GRID2: variants seen among roughly 807,000 people sequenced by gnomAD.
The protein encoded by GRID2 is glutamate receptor ionotropic, delta-2.
A neutral mutation model predicts 114.8 loss-of-function variants in GRID2; 33 were observed. The observed-to-expected ratio is 0.29, with a 90% CI of 0.22 to 0.38. GRID2 has a LOEUF of 0.38. Among genes scored for constraint, GRID2 ranks in the 10% least tolerant of loss-of-function variants. The pLI is 1.00. For synonymous variants in GRID2, 505 were observed against 449.9 expected (o/e 1.12, Z -1.55); for missense variants, 1,184 against 1,257.7 (o/e 0.94, Z 0.89).
intron 1 of GRID2, among the ~76,000 whole-genome samples, chr4:92,328,471 T>C (rs1482442929): frequency 6.6e-6 from 1 of 152,098 alleles, no homozygotes; most frequent in African/African-American, 2.4e-5. Context: ...TATATGTGGT[T>C]ATACTCCTAC....
chr4:92,723,381 A>C (rs765197412), intron 2 of GRID2, among the ~76,000 whole-genome samples: 1 of 152,140 alleles, frequency 6.6e-6, no homozygotes, highest in Non-Finnish European at 1.5e-5. Flanking sequence ...TCCATCTGTC[A>C]AACTGTGTTT....
At chr4:93,499,492 A>G (rs1314305531) in intron 12 of GRID2, among the ~76,000 whole-genome samples, 3 of 151,842 alleles carry the variant, frequency 2.0e-5, no homozygotes, top group Admixed American at 1.3e-4. Flanking sequence ...TCACTTTTTC[A>G]TGCTACAGTC....
chr4:92,735,872 AAACAT>A (rs1340056952), intron 2 of GRID2, among the ~76,000 whole-genome samples: 1 of 152,106 alleles, frequency 6.6e-6, no homozygotes, highest in African/African-American at 2.4e-5. Context: ...GGTCACATGA[AAACAT>A]AACAGTATTT....
At chr4:92,764,781 A>C (rs1034447352) in intron 2 of GRID2, among the ~76,000 whole-genome samples, 1 of 151,318 alleles carries the variant, frequency 6.6e-6, no homozygotes, top group Non-Finnish European at 1.5e-5. Context: ...ATAGCTGTTG[A>C]CTGGAAATAT....
intron 1 of GRID2, among the ~76,000 whole-genome samples, chr4:92,537,457 T>G (rs1725698973): frequency 6.6e-6 from 1 of 152,190 alleles, no homozygotes; most frequent in Non-Finnish European, 1.5e-5. Context: ...GATTTATAAT[T>G]ACCAATCTTC....
intron 3 of GRID2, among the ~76,000 whole-genome samples, chr4:93,101,561 A>C (rs1291523938): frequency 6.6e-6 from 1 of 152,082 alleles, no homozygotes; most frequent in African/African-American, 2.4e-5. Context: ...TCTGATTAAA[A>C]GCCTTTTTTG....
chr4:93,231,390 C>CA (rs34267723), intron 7 of GRID2, among the ~76,000 whole-genome samples: 1,445 of 104,250 alleles, frequency 0.014, 32 homozygotes, highest in African/African-American at 0.044. Flanking sequence ...CACCCCCTGC[C>CA]AAAAAAAAAA....
At chr4:93,776,186 G>A (rs1734366098), downstream of GRID2, among the ~76,000 whole-genome samples, 1 of 152,096 alleles carries the variant, frequency 6.6e-6, no homozygotes, top group Non-Finnish European at 1.5e-5. Flanking sequence ...CTTCCTTCCA[G>A]AGTACTTTTC....
At chr4:93,723,312 T>C (rs1729556672) in intron 14 of GRID2, among the ~76,000 whole-genome samples, 1 of 152,202 alleles carries the variant, frequency 6.6e-6, no homozygotes, top group Non-Finnish European at 1.5e-5. Flanking sequence ...TTTTGAGAAA[T>C]AAATGAATAA....
chr4:93,783,614 C>T (rs1734525572), intron 1 of GRID2, among the ~76,000 whole-genome samples: 1 of 152,194 alleles, frequency 6.6e-6, no homozygotes, highest in South Asian at 2.1e-4. Context: ...CAAACAGATT[C>T]AGAGAAATAC....
chr4:93,363,816 A>G (rs1381824716), intron 8 of GRID2, among the ~76,000 whole-genome samples: 2 of 151,896 alleles, frequency 1.3e-5, no homozygotes, highest in East Asian at 3.9e-4. Context: ...AAACTATCAT[A>G]AGAGAAAATA....
rs543559065 is a variant in GRID2, at chr4:92,795,451, C to T, written c.244+205165C>T. On this transcript the variant is annotated intron_variant, in intron 2 of 15. Transcript: ENST00000282020. ...CCCCAGCCATGTGAAACTGTAAATCCAATTAAACCTCCTTTTCTTCCCAGT... is the reference window on the plus strand; with the variant it reads ...CCCCAGCCATGTGAAACTGTAAATCTAATTAAACCTCCTTTTCTTCCCAGT... Among the ~76,000 whole-genome samples the T allele has an allele frequency of 1.9e-3, 286 of 152,034 alleles. 3 individuals carry two copies. The highest frequency in any genetic ancestry group is 2.9e-3 in the Non-Finnish European group (195 of 67,942).
rs1277984040 is a variant in GRID2 at position 93,163,407 on chromosome 4, A to G, written c.736-43997A>G. 2.7e-4 allele frequency among the ~76,000 whole-genome samples: 34 copies of G among 123,730 alleles called. 1 individual carries two copies. Among genetic ancestry groups the G allele is most frequent in the African/African-American group, 1.0e-3 (29 of 27,994 alleles). 81.2% of individuals were successfully genotyped at this position (123,730 alleles called of 152,430 possible). The stretch of plus-strand genomic sequence containing the variant: ...ATATATATATATATATATACACTAT[A>G]TATATACATACATGTATATTTTCTC... On this transcript the variant is annotated intron_variant, in intron 4 of 15. Coordinates refer to ENST00000282020, the MANE Select transcript of GRID2 (RefSeq NM_001510.4).
At chr4:93,460,099 G>A (rs1723600386) in intron 11 of GRID2, among the ~76,000 whole-genome samples, 1 of 152,104 alleles carries the variant, frequency 6.6e-6, no homozygotes, top group South Asian at 2.1e-4. Context: ...GCAAATATAC[G>A]ATTCACATAC....
chr4:93,491,903 C>T (rs755463636), intron 12 of GRID2, among the ~76,000 whole-genome samples: 1 of 151,814 alleles, frequency 6.6e-6, no homozygotes, highest in African/African-American at 2.4e-5. Context: ...ACTAGTAATG[C>T]TAATAAGTAG....
At chr4:92,459,776 A>G (rs1454714615) in intron 1 of GRID2, among the ~76,000 whole-genome samples, 5 of 151,850 alleles carry the variant, frequency 3.3e-5, no homozygotes, top group African/African-American at 1.2e-4. Context: ...GTGAAGGTAT[A>G]GATGAGATTA....
intron 13 of GRID2, among the ~76,000 whole-genome samples, chr4:93,586,915 A>G (rs1233960166): frequency 2.0e-5 from 3 of 152,136 alleles, no homozygotes; most frequent in Admixed American, 1.3e-4. Flanking sequence ...TAAAAAATTC[A>G]TGGAAGAATA....
chr4:93,653,742 T>C (rs1722779944), intron 14 of GRID2, among the ~76,000 whole-genome samples: 1 of 152,074 alleles, frequency 6.6e-6, no homozygotes, highest in Non-Finnish European at 1.5e-5. Flanking sequence ...AACCTACTTT[T>C]AGTGCATGAA....
chr4:92,702,177 C>T (rs912139405), intron 2 of GRID2, among the ~76,000 whole-genome samples: 2 of 152,136 alleles, frequency 1.3e-5, no homozygotes, highest in African/African-American at 4.8e-5. Context: ...ACGAGAGAAA[C>T]AGGGCCCACT....
Sources: gnomAD v4.1 joint callset for allele counts (sites outside exome capture counted in the v4.1 genomes callset) on GRCh38, gnomAD v4.1.1 for gene constraint, MANE v1.5 for transcripts, NCBI Gene and HGNC (gene_info 2026-07-23, HGNC 2026-07-21) for gene names.